Variants in SLCO1B1 observed in about 807,000 individuals in gnomAD.
SLCO1B1 encodes solute carrier organic anion transporter family member 1B1, also known as OATP-2.
Under a neutral mutation model 70.1 loss-of-function variants are expected in SLCO1B1, and 81 were observed. That is an observed-to-expected ratio of 1.16 (90% CI 0.97 to 1.39). The LOEUF is 1.39. Among genes scored for constraint, SLCO1B1 ranks in the 40% most tolerant of loss-of-function variants. The probability of loss-of-function intolerance (pLI) is 0.00; values close to 1 mark genes in which losing one functional copy is unlikely to be tolerated. For missense variants in SLCO1B1, 895 were observed against 799.6 expected (o/e 1.12, Z -1.44); for synonymous variants, 283 against 271.5 (o/e 1.04, Z -0.42).
At chr12:21,166,746 A>G (rs187980533) in intron 2 of SLCO1B1, among the ~76,000 whole-genome samples, 1 of 152,338 alleles carries the variant, frequency 6.6e-6, no homozygotes, top group African/African-American at 2.4e-5. Context: ...ACAAATTTAA[A>G]GATAGGCTTA....
chr12:21,194,377 C>A (rs1941068251), intron 7 of SLCO1B1, among the ~76,000 whole-genome samples: 1 of 151,986 alleles, frequency 6.6e-6, no homozygotes, highest in African/African-American at 2.4e-5. Flanking sequence ...GCCACACTTC[C>A]TGGCTTCTGT....
In SLCO1B1 at chr12:21,239,118, A is replaced by C. The variant is rs762293939; in HGVS notation, c.2005A>C (p.Asn669His). Residue 669 changes from asparagine to histidine, a missense_variant, in exon 15 of 15, where the codon AAC (asparagine) becomes CAC (histidine). By Grantham distance (68) the Asn-to-His change is moderately conservative (BLOSUM62 1). Transcript: ENST00000256958. ...SENGSVMDEA[N>H]LESLNKNKHF... ...AAATGGAAGTGTCATGGATGAAGCA[A>C]ACTTAGAATCCTTAAATAAAAATAA... 9 of 1,613,082 alleles carry C rather than the reference A, an allele frequency of 5.6e-6. No individual in the cohort carries two copies. The highest frequency in any genetic ancestry group is 1.7e-6 in the Non-Finnish European group (2 of 1,179,344).
Position 21,230,394 on chromosome 12 carries a change from G to A in SLCO1B1, c.1865+5555G>A, listed in dbSNP as rs371267192. Among the ~76,000 whole-genome samples, 63 of 142,994 alleles carry A rather than the reference G, an allele frequency of 4.4e-4. 1 individual carries two copies. The highest frequency in any genetic ancestry group is 1.4e-3 in the African/African-American group (52 of 38,308). The allele number at this position is 142,994 out of a possible 152,430, so 93.8% of individuals were successfully genotyped here. A position where few individuals can be genotyped will look rare whatever the true frequency, so the allele number is the denominator to read the frequency against. On this transcript the variant is annotated intron_variant, in intron 14 of 14. Transcript: ENST00000256958. ...TACCCAGGCTGGAGGGCAATGGTGC[G>A]ATCATGGCTCACCGCAACCTCCGCT...
intron 14 of SLCO1B1, 58 bp downstream of exon 14, chr12:21,224,897 A>T (rs553152142): frequency 1.1e-6 from 1 of 871,508 alleles, no homozygotes; most frequent in African/African-American, 1.7e-5. Context: ...ATTCCTAAAA[A>T]ATATCATTTT....
intron 2 of SLCO1B1, among the ~76,000 whole-genome samples, chr12:21,145,188 G>T (rs1285389368): frequency 6.6e-6 from 1 of 152,150 alleles, no homozygotes. Context: ...ACATCCATAA[G>T]ATAGAAAATG....
At chr12:21,206,780 T>C (rs1050067464) in intron 11 of SLCO1B1, among the ~76,000 whole-genome samples, 2 of 151,942 alleles carry the variant, frequency 1.3e-5, no homozygotes, top group Admixed American at 6.6e-5. Context: ...CCACTCAACA[T>C]CTCACAAAGT....
At chr12:21,144,239 G>A (rs1259408156) in intron 2 of SLCO1B1, among the ~76,000 whole-genome samples, 1 of 151,964 alleles carries the variant, frequency 6.6e-6, no homozygotes, top group Non-Finnish European at 1.5e-5. Flanking sequence ...ATTAACTTCT[G>A]AAATTAAATA....
At chr12:21,144,517 C>T (rs1667413486) in intron 2 of SLCO1B1, among the ~76,000 whole-genome samples, 1 of 152,036 alleles carries the variant, frequency 6.6e-6, no homozygotes, top group South Asian at 2.1e-4. Flanking sequence ...AAAAATTTCC[C>T]AGTCTTGCTA....
intron 1 of SLCO1B1, among the ~76,000 whole-genome samples, chr12:21,135,949 G>T (rs1940214467): frequency 6.6e-6 from 1 of 152,072 alleles, no homozygotes; most frequent in African/African-American, 2.4e-5. Flanking sequence ...TTACAATTTG[G>T]CATGTTTTTG....
chr12:21,204,731 G>A (rs1041761279), intron 10 of SLCO1B1, among the ~76,000 whole-genome samples: 2 of 151,796 alleles, frequency 1.3e-5, no homozygotes, highest in African/African-American at 2.4e-5. Context: ...CTAAAGGCTG[G>A]AACATGTAAG....
At chr12:21,219,922 T>G (rs1403500113) in intron 12 of SLCO1B1, among the ~76,000 whole-genome samples, 10 of 152,262 alleles carry the variant, frequency 6.6e-5, no homozygotes, top group African/African-American at 2.4e-4. Flanking sequence ...CCACCGTGCC[T>G]GACTAATTTT....
intron 1 of SLCO1B1, among the ~76,000 whole-genome samples, chr12:21,136,814 G>A (rs1940229049): frequency 6.6e-6 from 1 of 152,080 alleles, no homozygotes; most frequent in South Asian, 2.1e-4. Context: ...ATCATCTGAA[G>A]CCTTCTTCTC....
At chr12:21,233,581 AAAAC>A (rs201863998) in intron 14 of SLCO1B1, among the ~76,000 whole-genome samples, 1,523 of 148,212 alleles carry the variant, frequency 0.01, 24 homozygotes, top group African/African-American at 0.035. Flanking sequence ...CAAAAAAAAA[AAAAC>A]AAGAGCCCCA....
intron 11 of SLCO1B1, among the ~76,000 whole-genome samples, chr12:21,210,274 A>T (rs1478888785): frequency 1.6e-5 from 2 of 128,906 alleles, no homozygotes. Context: ...AGCTTTCTAC[A>T]TATGGCTAGC....
chr12:21,227,247 A>C (rs542263337), intron 14 of SLCO1B1, among the ~76,000 whole-genome samples: 1 of 149,426 alleles, frequency 6.7e-6, no homozygotes, highest in East Asian at 1.9e-4. Context: ...CAGGAAAATG[A>C]ATAGTCTGAT....
intron 14 of SLCO1B1, among the ~76,000 whole-genome samples, chr12:21,232,161 TTCA>T (rs1941545253): frequency 6.6e-6 from 1 of 152,128 alleles, no homozygotes; most frequent in African/African-American, 2.4e-5. Flanking sequence ...TCAGAAAGCA[TTCA>T]TTCCCTGGGC....
At chr12:21,134,931 G>A (rs867498155) in intron 1 of SLCO1B1, among the ~76,000 whole-genome samples, 1 of 152,154 alleles carries the variant, frequency 6.6e-6, no homozygotes, top group East Asian at 1.9e-4. Flanking sequence ...ATGTTGGGGT[G>A]TCAATTTTGG....
chr12:21,225,521 A>G (rs754209569), intron 14 of SLCO1B1, among the ~76,000 whole-genome samples: 1 of 152,212 alleles, frequency 6.6e-6, no homozygotes, highest in African/African-American at 2.4e-5. Flanking sequence ...ATTTCTTTCA[A>G]TTATCTACGA....
At position 21,239,409 on chromosome 12, in the gene SLCO1B1, G is replaced by T. The variant is rs1043222035; in HGVS notation, c.*220G>T. 3.9e-5 allele frequency among the ~76,000 whole-genome samples: 6 copies of T among 152,150 alleles called. No individual in the cohort carries two copies. The highest frequency in any genetic ancestry group is 7.4e-5 in the Non-Finnish European group (5 of 68,014). On this transcript the variant is annotated 3_prime_UTR_variant, in exon 15 of 15. Coordinates refer to ENST00000256958, the MANE Select transcript of SLCO1B1 (RefSeq NM_006446.5). ...ATTATAGCTACATATTTGTGGTTAA[G>T]GTTAGACTATATGATCCATACAAAT...
Sources: allele counts gnomAD v4.1 joint callset (sites outside exome capture counted in the v4.1 genomes callset), GRCh38; gene constraint gnomAD v4.1.1; transcripts MANE v1.5; gene names NCBI Gene and HGNC (gene_info 2026-07-23, HGNC 2026-07-21).